The following NLGN4Y variants were observed in gnomAD, a reference collection of about 807,000 sequenced individuals.
The protein encoded by NLGN4Y is neuroligin-4, Y-linked.
In NLGN4Y, 4 loss-of-function variants were observed where a neutral mutation model predicts 8.4. The ratio of observed to expected loss-of-function variants is 0.48; its 90% confidence interval spans 0.23 to 1.09. The LOEUF (loss-of-function observed/expected upper bound fraction) is 1.09. Among genes scored for constraint, NLGN4Y ranks in the 50% least tolerant of loss-of-function variants. The pLI is 0.19. For missense variants in NLGN4Y, 90 were observed against 192.3 expected (o/e 0.47, Z 3.15); for synonymous variants, 35 against 75.6 (o/e 0.46, Z 2.78).
At chrY:14,696,403 G>C in intron 2 of NLGN4Y, among the ~76,000 whole-genome samples, 1 of 32,728 alleles carries the variant, frequency 3.1e-5, no homozygotes, top group East Asian at 8.4e-4. Context: ...TCCAGGTGTT[G>C]TCAGGGTTGG....
intron 1 of NLGN4Y, among the ~76,000 whole-genome samples, chrY:14,589,927 G>C (rs764213863): frequency 1.6e-3 from 57 of 34,774 alleles, no homozygotes; most frequent in Middle Eastern, 0.013. Context: ...GAGCCCTGCC[G>C]CATGGGAAGG....
chrY:14,569,456 T>C, intron 1 of NLGN4Y, among the ~76,000 whole-genome samples: 2 of 33,581 alleles, frequency 6.0e-5, no homozygotes, highest in Non-Finnish European at 1.5e-4. Flanking sequence ...ATTTTGTTCG[T>C]TTTCATGGTT....
chrY:14,589,914 C>G (rs964610261), intron 1 of NLGN4Y, among the ~76,000 whole-genome samples: 15 of 34,689 alleles, frequency 4.3e-4, no homozygotes, highest in South Asian at 3.1e-3. Context: ...GGCTGCAGGT[C>G]CTGAGCCCTG....
chrY:14,645,424 G>A, intron 2 of NLGN4Y, among the ~76,000 whole-genome samples: 2 of 29,659 alleles, frequency 6.7e-5, no homozygotes, highest in Non-Finnish European at 1.6e-4. Flanking sequence ...CACCCACCTC[G>A]GCCTCCCAAA....
intron 1 of NLGN4Y, among the ~76,000 whole-genome samples, chrY:14,548,131 AT>A (rs2080178901): frequency 6.2e-5 from 2 of 32,420 alleles, no homozygotes; most frequent in African/African-American, 1.2e-4. Context: ...GTTTGGAGGC[AT>A]TTTTTTTAAC....
At chrY:14,607,956 A>G (rs2080453021) in intron 1 of NLGN4Y, among the ~76,000 whole-genome samples, 1 of 34,102 alleles carries the variant, frequency 2.9e-5, no homozygotes, top group East Asian at 7.8e-4. Context: ...TTTGATTTGC[A>G]TTTCTCTAAT....
chrY:14,645,107 C>CCAAT (rs2080604541), intron 2 of NLGN4Y, among the ~76,000 whole-genome samples: 1 of 29,293 alleles, frequency 3.4e-5, no homozygotes, highest in Non-Finnish European at 8.0e-5. Flanking sequence ...CAACAATTTG[C>CCAAT]ATTGTAGTGG....
At chrY:14,598,492 T>G in intron 1 of NLGN4Y, among the ~76,000 whole-genome samples, 1 of 32,888 alleles carries the variant, frequency 3.0e-5, no homozygotes, top group Non-Finnish European at 7.6e-5. Flanking sequence ...CTGCTCCGAG[T>G]GCGGGGCCAG....
intron 4 of NLGN4Y, among the ~76,000 whole-genome samples, chrY:14,790,103 T>C: frequency 1.2e-4 from 4 of 33,124 alleles, no homozygotes; most frequent in African/African-American, 2.4e-4. Context: ...CAGCAGACCC[T>C]TATCTCTTTT....
At chrY:14,584,828 G>T in intron 1 of NLGN4Y, among the ~76,000 whole-genome samples, 1 of 33,236 alleles carries the variant, frequency 3.0e-5, no homozygotes, top group Admixed American at 2.8e-4. Context: ...TTAAGGCCAG[G>T]TGCATTGACT....
chrY:14,619,625 G>A, intron 1 of NLGN4Y, among the ~76,000 whole-genome samples: 1 of 33,596 alleles, frequency 3.0e-5, no homozygotes, highest in Non-Finnish European at 7.4e-5. Context: ...TGAAGCAGGT[G>A]GGACACACTA....
chrY:14,568,647 A>G, intron 1 of NLGN4Y, among the ~76,000 whole-genome samples: 1 of 33,320 alleles, frequency 3.0e-5, no homozygotes, highest in South Asian at 6.7e-4. Context: ...ATTATATATT[A>G]CATGGCAGTG....
At chrY:14,638,227 A>G (rs2080575011) in intron 2 of NLGN4Y, among the ~76,000 whole-genome samples, 12 of 32,751 alleles carry the variant, frequency 3.7e-4, no homozygotes, top group Admixed American at 3.1e-3. Context: ...CCCTGTGTCC[A>G]TGTGTTCTCA....
intron 2 of NLGN4Y, among the ~76,000 whole-genome samples, chrY:14,703,928 GTGAATGGGAGTTCACTCA>G (rs2080866210): frequency 3.0e-5 from 1 of 32,973 alleles, no homozygotes; most frequent in Admixed American, 2.8e-4. Flanking sequence ...TGAAGCAATT[GTGAATGGGAGTTCACTCA>G]TGATTTGGCT....
chrY:14,730,197 C>T (rs9786165), intron 4 of NLGN4Y, among the ~76,000 whole-genome samples: 6,472 of 32,053 alleles, frequency 0.2, no homozygotes, highest in African/African-American at 0.64. Context: ...ATCAGGATGT[C>T]AAGAGTTTGA....
chrY:14,624,424 G>A (rs2080521165), intron 2 of NLGN4Y, among the ~76,000 whole-genome samples: 1 of 33,575 alleles, frequency 3.0e-5, no homozygotes, highest in Admixed American at 2.7e-4. Context: ...ATTCAGTATT[G>A]AATTGTAATT....
chrY:14,596,579 C>T, intron 1 of NLGN4Y, among the ~76,000 whole-genome samples: 3 of 33,145 alleles, frequency 9.1e-5, no homozygotes, highest in Non-Finnish European at 1.5e-4. Context: ...TCCTCTCTGT[C>T]GACCCTCGGC....
At chrY:14,614,207 T>C in intron 1 of NLGN4Y, among the ~76,000 whole-genome samples, 2 of 34,221 alleles carry the variant, frequency 5.8e-5, no homozygotes, top group Non-Finnish European at 1.5e-4. Flanking sequence ...CATTTTTTCA[T>C]GTGCCTGTTG....
chrY:14,637,858 TTTTG>T (rs2080571495), intron 2 of NLGN4Y, among the ~76,000 whole-genome samples: 2 of 29,327 alleles, frequency 6.8e-5, no homozygotes, highest in East Asian at 8.8e-4. Flanking sequence ...TTTTTTTTTT[TTTTG>T]TGTGTGTGTG....
Sources: allele counts gnomAD v4.1 joint callset (sites outside exome capture counted in the v4.1 genomes callset), GRCh38; gene constraint gnomAD v4.1.1; transcripts MANE v1.5; gene names NCBI Gene and HGNC (gene_info 2026-07-23, HGNC 2026-07-21).